The following ANK2 variants were observed in gnomAD, a reference collection of about 807,000 sequenced individuals.
The protein encoded by ANK2 is ankyrin 2.
ANK2 carries 83 observed loss-of-function variants against 360.5 expected under a neutral mutation model. The observed-to-expected ratio is 0.23, with a 90% CI of 0.19 to 0.28. The LOEUF (loss-of-function observed/expected upper bound fraction) is 0.28, where lower values mean the gene tolerates loss of function less well. ANK2 is among the 10% of genes least tolerant of loss of function. The pLI is 1.00. For synonymous variants in ANK2, 1,740 were observed against 1,759.5 expected (o/e 0.99, Z 0.28); for missense variants, 4,201 against 4,795.7 (o/e 0.88, Z 3.66).
At chr4:113,360,977 AC>A (rs1416216095) in intron 39 of ANK2, 80 bp downstream of exon 39, 6 of 1,249,332 alleles carry the variant, frequency 4.8e-6, no homozygotes, top group Admixed American at 3.9e-5. Context: ...CATAAAAGGT[AC>A]CCCCCACTTT....
Position 113,357,857 on chromosome 4 carries a change from C to A in ANK2, c.9239C>A (p.Pro3080His), listed in dbSNP as rs748324636. ...MVDRQSQGTT[P>H]DTTPARTPTE... is the part of the protein sequence containing the mutation. ...GACAGACAATCACAGGGTACCACCC[C>A]TGACACCACTCCTGCTAGGACCCCA... Residue 3080 changes from proline to histidine, a missense_variant, in exon 38 of 46, where the codon CCT becomes CAT. By Grantham distance (77) the Pro-to-His change is moderately conservative (BLOSUM62 -2). Transcript: ENST00000357077. 1 of 1,614,068 alleles carries A rather than the reference C, an allele frequency of 6.2e-7. No individual in the cohort carries two copies. Among genetic ancestry groups the A allele is most frequent in the Non-Finnish European group, 8.5e-7 (1 of 1,179,952 alleles).
Position 113,024,962 on chromosome 4 carries a change from A to G in ANK2, c.21+120448A>G, listed in dbSNP as rs539076477. Among the ~76,000 whole-genome samples the G allele has an allele frequency of 1.9e-3, 290 of 152,226 alleles. 1 individual carries two copies. Among genetic ancestry groups the G allele is most frequent in the African/African-American group, 6.6e-3 (273 of 41,570 alleles). On this transcript the variant is annotated intron_variant, in intron 2 of 30. Transcript: ENST00000503271. ...TGTGAATTTTTTAATATAATATTTC[A>G]TGGTATTTTTGGCACCTCTCTTTTT...
the ANK2 span, among the ~76,000 whole-genome samples, chr4:112,798,996 G>T: frequency 6.6e-6 from 1 of 152,028 alleles, no homozygotes; most frequent in African/African-American, 2.4e-5. Context: ...CCCAGTCCCT[G>T]GCAACCACCA....
At chr4:113,299,702 T>G (rs1174168161) in intron 22 of ANK2, among the ~76,000 whole-genome samples, 1 of 131,130 alleles carries the variant, frequency 7.6e-6, no homozygotes, top group Admixed American at 7.6e-5. Flanking sequence ...TGAAACGACA[T>G]CTCAAAAAAA....
chr4:113,141,641 G>A (rs777525966), intron 1 of ANK2, among the ~76,000 whole-genome samples: 3 of 152,224 alleles, frequency 2.0e-5, no homozygotes, highest in Non-Finnish European at 4.4e-5. Context: ...CTTCACTTCA[G>A]GAGTTGTGAT....
chr4:112,911,067 CCTGCCT>C (rs1281521818), intron 2 of ANK2, among the ~76,000 whole-genome samples: 6 of 150,766 alleles, frequency 4.0e-5, no homozygotes, highest in Non-Finnish European at 7.4e-5. Context: ...AAGCAATTCT[CCTGCCT>C]CAGCCTCCCG....
chr4:113,373,986 G>A (rs550290713), intron 45 of ANK2, among the ~76,000 whole-genome samples: 6 of 152,300 alleles, frequency 3.9e-5, no homozygotes, highest in South Asian at 2.1e-4. Flanking sequence ...GAGCAGTGGC[G>A]TGATCTGAGC....
chr4:113,149,897 A>AAAAAG (rs2096982648), intron 1 of ANK2, among the ~76,000 whole-genome samples: 1 of 150,256 alleles, frequency 6.7e-6, no homozygotes, highest in African/African-American at 2.4e-5. Flanking sequence ...AAAAAAAAAA[A>AAAAAG]AAAGAAAGAT....
intron 1 of ANK2, among the ~76,000 whole-genome samples, chr4:112,837,229 G>A (rs920378324): frequency 1.3e-5 from 2 of 152,230 alleles, no homozygotes; most frequent in Non-Finnish European, 2.9e-5. Flanking sequence ...TGCTTCAGAG[G>A]GTGTAAGCCC....
chr4:112,806,239 C>T, the ANK2 span, among the ~76,000 whole-genome samples: 1 of 152,164 alleles, frequency 6.6e-6, no homozygotes, highest in South Asian at 2.1e-4. Flanking sequence ...TGGTAATGAT[C>T]ATTCTACTCT....
the ANK2 span, among the ~76,000 whole-genome samples, chr4:112,763,285 A>G: frequency 6.6e-6 from 1 of 151,066 alleles, no homozygotes; most frequent in African/African-American, 2.4e-5. Flanking sequence ...GCTGGAGTGC[A>G]GTGGGCGATC....
intron 2 of ANK2, among the ~76,000 whole-genome samples, chr4:113,180,409 A>G (rs950018241): frequency 6.6e-6 from 1 of 152,198 alleles, no homozygotes; most frequent in Non-Finnish European, 1.5e-5. Context: ...ACTTGTGAAA[A>G]TGATGCTTAT....
In ANK2 at chr4:113,354,037, C is replaced by A; in HGVS notation, c.5419C>A (p.Pro1807Thr). Reference sequence around the variant, plus strand: ...AAAAAAGACCACCCACAGGCCACATCCAGCTGCGTCACCCTCTCTGAAGTC... The same window carrying A: ...AAAAAAGACCACCCACAGGCCACATACAGCTGCGTCACCCTCTCTGAAGTC... ...VPKKTTHRPH[P>T]AASPSLKSER... Residue 1807 changes from proline to threonine, a missense_variant, in exon 38 of 46, where the codon CCA becomes ACA. Around this residue, in one of 4 missense-constraint regions of ANK2, gnomAD observed 2,642 missense variants for 2,714.5 expected, o/e 0.97. Coordinates refer to ENST00000357077, the MANE Select transcript of ANK2 (RefSeq NM_001148.6). 2 of 1,614,050 alleles carry A rather than the reference C, an allele frequency of 1.2e-6. No individual in the cohort carries two copies. The highest frequency in any genetic ancestry group is 1.7e-6 in the Non-Finnish European group (2 of 1,179,994).
chr4:113,021,171 G>C (rs1054520133), intron 2 of ANK2, among the ~76,000 whole-genome samples: 1 of 55,970 alleles, frequency 1.8e-5, no homozygotes, highest in African/African-American at 7.2e-5. Flanking sequence ...AAAGCACAGA[G>C]AGGGAAGGGC....
At chr4:113,234,540 T>TA (rs937518954) in intron 5 of ANK2, among the ~76,000 whole-genome samples, 19 of 149,614 alleles carry the variant, frequency 1.3e-4, no homozygotes, top group African/African-American at 2.7e-4. Flanking sequence ...CATCATTCTG[T>TA]AAAAAAAAAA....
chr4:112,957,555 C>T (rs1162787466), intron 2 of ANK2, among the ~76,000 whole-genome samples: 3 of 152,104 alleles, frequency 2.0e-5, no homozygotes, highest in Non-Finnish European at 2.9e-5. Flanking sequence ...GGGTGGTGGC[C>T]GGGCAGAAGG....
chr4:112,992,937 A>G (rs919122099), intron 2 of ANK2, among the ~76,000 whole-genome samples: 2 of 152,158 alleles, frequency 1.3e-5, no homozygotes, highest in African/African-American at 4.8e-5. Flanking sequence ...TATATCTGAA[A>G]GTTTGAATTA....
chr4:112,948,633 G>C (rs986436960), intron 2 of ANK2, among the ~76,000 whole-genome samples: 7 of 152,186 alleles, frequency 4.6e-5, no homozygotes, highest in African/African-American at 1.7e-4. Context: ...TCCTGGCCCT[G>C]GCTATCATCT....
rs1470959759 is a variant in ANK2 at position 113,352,525 on chromosome 4, TA to T, written c.4427-515del. Among the ~76,000 whole-genome samples the T allele has an allele frequency of 2.6e-5, 4 of 152,334 alleles. No individual in the cohort carries two copies. In the East Asian group the frequency reaches 7.7e-4, roughly 29 times the overall value. On this transcript the variant is annotated intron_variant, in intron 37 of 45. Transcript: ENST00000357077. ...ACTGAATTTCAGACTTTTATATGAT[TA>T]AAAATGTATATACATCATTAGATGT...
Sources: gnomAD v4.1 joint callset for allele counts (sites outside exome capture counted in the v4.1 genomes callset) on GRCh38, gnomAD v4.1.1 for gene constraint, gnomAD v4.1.1 regional missense constraint, MANE v1.5 for transcripts, NCBI Gene and HGNC (gene_info 2026-07-23, HGNC 2026-07-21) for gene names.